Variants in RBFOX1 observed in about 807,000 individuals in gnomAD.
The protein encoded by RBFOX1 is RNA binding fox-1 homolog 1.
In RBFOX1, 8 loss-of-function variants were observed where a neutral mutation model predicts 57.7. The ratio of observed to expected loss-of-function variants is 0.14; its 90% CI spans 0.08 to 0.25. The LOEUF is 0.25. RBFOX1 is among the 10% of genes least tolerant of loss of function. The pLI is 1.00. For synonymous variants in RBFOX1, 326 were observed against 222.4 expected, an observed-to-expected ratio of 1.47 and a Z score of -4.15; for missense variants, 611 against 548.5, an observed-to-expected ratio of 1.11 and a Z score of -1.14.
At chr16:6,660,595 T>G (rs984246270) in intron 3 of RBFOX1, among the ~76,000 whole-genome samples, 1 of 152,164 alleles carries the variant, frequency 6.6e-6, no homozygotes, top group African/African-American at 2.4e-5. Context: ...AGCAACTCTG[T>G]GACCTTGAGA....
At chr16:6,217,917 G>T (rs2097346560) in intron 1 of RBFOX1, among the ~76,000 whole-genome samples, 1 of 152,182 alleles carries the variant, frequency 6.6e-6, no homozygotes, top group Non-Finnish European at 1.5e-5. Flanking sequence ...TCAGGAAGCT[G>T]AGGCATGAGA....
intron 1 of RBFOX1, among the ~76,000 whole-genome samples, chr16:5,246,725 C>A (rs2062309961): frequency 6.6e-6 from 1 of 150,598 alleles, no homozygotes; most frequent in South Asian, 2.1e-4. Flanking sequence ...GGCTGTAGTG[C>A]AGGGGTGTGA....
chr16:5,659,612 C>G (rs1046964112), intron 3 of RBFOX1, among the ~76,000 whole-genome samples: 3 of 152,026 alleles, frequency 2.0e-5, no homozygotes, highest in Admixed American at 6.6e-5. Flanking sequence ...GCCGGTATAT[C>G]TTTTTTTGAA....
At chr16:7,050,375 C>A (rs533402457) in intron 3 of RBFOX1, among the ~76,000 whole-genome samples, 2 of 151,590 alleles carry the variant, frequency 1.3e-5, no homozygotes, top group Non-Finnish European at 2.9e-5. Context: ...AAGTGATTCT[C>A]CTGCTTCAGC....
chr16:5,294,997 T>A (rs1391033677), intron 1 of RBFOX1, among the ~76,000 whole-genome samples: 3 of 106,226 alleles, frequency 2.8e-5, no homozygotes, highest in Admixed American at 1.1e-4. Context: ...ACCATTGCAC[T>A]CCAGCCTGGG....
chr16:5,962,388 C>G (rs184981575), intron 4 of RBFOX1, among the ~76,000 whole-genome samples: 1 of 152,292 alleles, frequency 6.6e-6, no homozygotes, highest in African/African-American at 2.4e-5. Context: ...ATATGAAGCA[C>G]TCAGGGGACC....
At chr16:6,278,711 A>T (rs1166190749) in intron 1 of RBFOX1, among the ~76,000 whole-genome samples, 2 of 152,170 alleles carry the variant, frequency 1.3e-5, no homozygotes, top group Non-Finnish European at 2.9e-5. Context: ...GTATAAATAA[A>T]TCATAGATAT....
chr16:5,988,187 A>C (rs1399324248), intron 4 of RBFOX1, among the ~76,000 whole-genome samples: 2 of 152,198 alleles, frequency 1.3e-5, no homozygotes, highest in Non-Finnish European at 2.9e-5. Flanking sequence ...AATGTAATAT[A>C]ATATGAAATA....
chr16:5,338,608 C>G (rs1247762875), intron 1 of RBFOX1, among the ~76,000 whole-genome samples: 1 of 152,066 alleles, frequency 6.6e-6, no homozygotes, highest in Non-Finnish European at 1.5e-5. Context: ...CATAGACTAG[C>G]CAATTTTAAG....
chr16:7,009,417 C>T lies in RBFOX1; in HGVS notation c.-15-42640C>T, dbSNP rs562970263. Among the ~76,000 whole-genome samples, 5 of 151,910 alleles carry T rather than the reference C, an allele frequency of 3.3e-5. No individual in the cohort carries two copies. In the East Asian group the frequency reaches 9.8e-4, roughly 30 times the overall value. On this transcript the variant is annotated intron_variant, in intron 3 of 15. Transcript: ENST00000550418. The stretch of plus-strand genomic sequence containing the variant: ...ATGTCTCGCCACTGTGACAAATCCA[C>T]AGGCCTTGCAAGAAACCCTGCAGAT...
At chr16:6,955,587 A>G (rs886314915) in intron 3 of RBFOX1, among the ~76,000 whole-genome samples, 5 of 152,158 alleles carry the variant, frequency 3.3e-5, no homozygotes, top group African/African-American at 9.7e-5. Flanking sequence ...TTGGTTTTAT[A>G]TGCTGGTGCA....
At chr16:7,125,619 G>C (rs2068309880) in intron 4 of RBFOX1, among the ~76,000 whole-genome samples, 1 of 152,100 alleles carries the variant, frequency 6.6e-6, no homozygotes, top group Admixed American at 6.5e-5. Flanking sequence ...CAATAATATA[G>C]AAGATGGATA....
intron 3 of RBFOX1, among the ~76,000 whole-genome samples, chr16:6,921,537 G>A (rs1020557225): frequency 2.0e-5 from 3 of 151,852 alleles, no homozygotes; most frequent in African/African-American, 7.3e-5. Context: ...CTTCCTACAT[G>A]GCCTTTGCCA....
chr16:6,702,889 T>C (rs1251836253), intron 3 of RBFOX1, among the ~76,000 whole-genome samples: 1 of 152,214 alleles, frequency 6.6e-6, no homozygotes, highest in Non-Finnish European at 1.5e-5. Flanking sequence ...ATCTTCCAAA[T>C]GGAAACTTTG....
intron 14 of RBFOX1, among the ~76,000 whole-genome samples, chr16:7,688,951 C>G (rs1039389423): frequency 1.3e-5 from 2 of 151,998 alleles, no homozygotes; most frequent in East Asian, 1.9e-4. Flanking sequence ...CGTGAATGTT[C>G]CAAGCAGAAC....
At chr16:7,513,121 G>A (rs2075551685) in intron 4 of RBFOX1, among the ~76,000 whole-genome samples, 1 of 152,060 alleles carries the variant, frequency 6.6e-6, no homozygotes, top group South Asian at 2.1e-4. Flanking sequence ...AAATTAGCCA[G>A]TCATCATGGC....
intron 3 of RBFOX1, among the ~76,000 whole-genome samples, chr16:6,922,676 G>T (rs1229240353): frequency 6.6e-6 from 1 of 152,150 alleles, no homozygotes; most frequent in African/African-American, 2.4e-5. Flanking sequence ...AGTAAACTTA[G>T]GCCATGTTTT....
chr16:7,109,559 A>T (rs890772353), intron 4 of RBFOX1, among the ~76,000 whole-genome samples: 6 of 152,272 alleles, frequency 3.9e-5, no homozygotes, highest in Admixed American at 1.3e-4. Context: ...TGCAGTTGGA[A>T]GCTGCAAATG....
chr16:5,950,129 A>G (rs879332816), intron 4 of RBFOX1, among the ~76,000 whole-genome samples: 3 of 152,250 alleles, frequency 2.0e-5, no homozygotes, highest in Non-Finnish European at 4.4e-5. Flanking sequence ...TTCCACCTGT[A>G]ATTGGTAAGA....
Sources: allele counts gnomAD v4.1 joint callset (sites outside exome capture counted in the v4.1 genomes callset), GRCh38; gene constraint gnomAD v4.1.1; transcripts MANE v1.5; gene names NCBI Gene and HGNC (gene_info 2026-07-23, HGNC 2026-07-21).